ROR1: variants seen among roughly 807,000 people sequenced by gnomAD.
ROR1 encodes inactive tyrosine-protein kinase transmembrane receptor ROR1.
A neutral mutation model predicts 78.8 loss-of-function variants in ROR1; 19 were observed. The observed-to-expected ratio is 0.24, with a 90% CI of 0.17 to 0.35. ROR1 has a LOEUF of 0.35. Among genes scored for constraint, ROR1 ranks in the 10% least tolerant of loss-of-function variants. The probability of loss-of-function intolerance (pLI) is 1.00; values close to 1 mark genes in which losing one functional copy is unlikely to be tolerated. For missense variants in ROR1, 917 were observed against 1,177.8 expected (o/e 0.78, Z 3.24); for synonymous variants, 386 against 433.6 (o/e 0.89, Z 1.36).
chr1:63,939,927 T>C (rs1645822966), intron 1 of ROR1, among the ~76,000 whole-genome samples: 1 of 152,184 alleles, frequency 6.6e-6, no homozygotes, highest in South Asian at 2.1e-4. Context: ...GATAATTCAT[T>C]CAACGGGTTT....
chr1:63,895,576 A>T (rs1046431544), intron 1 of ROR1, among the ~76,000 whole-genome samples: 10 of 151,332 alleles, frequency 6.6e-5, no homozygotes, highest in African/African-American at 2.5e-4. Context: ...ATATTCACAC[A>T]TCTCGATTAG....
At chr1:63,779,594 T>C (rs988198802) in intron 1 of ROR1, among the ~76,000 whole-genome samples, 3 of 152,160 alleles carry the variant, frequency 2.0e-5, no homozygotes, top group Admixed American at 6.5e-5. Flanking sequence ...GAGACTGACT[T>C]GCATGCCAGG....
At chr1:63,890,854 C>T (rs1182454171) in intron 1 of ROR1, among the ~76,000 whole-genome samples, 1 of 152,126 alleles carries the variant, frequency 6.6e-6, no homozygotes, top group Non-Finnish European at 1.5e-5. Context: ...GTTCCAAATC[C>T]AAATGTTGTC....
At chr1:63,948,686 C>T (rs889032760) in intron 1 of ROR1, among the ~76,000 whole-genome samples, 1 of 152,138 alleles carries the variant, frequency 6.6e-6, no homozygotes, top group African/African-American at 2.4e-5. Flanking sequence ...GGAGATGGGG[C>T]CTTTGGAAGG....
In ROR1 at chr1:63,893,624, T is replaced by G. The variant is rs553902661; in HGVS notation, c.92-115681T>G. Among the ~76,000 whole-genome samples, 274 of 152,286 alleles carry G rather than the reference T, an allele frequency of 1.8e-3. 3 individuals are homozygous for G. The highest frequency in any genetic ancestry group is 0.014 in the Middle Eastern group (4 of 294). On this transcript the variant is annotated intron_variant, in intron 1 of 8. Transcript: ENST00000371079. ...GCGTGGACATATGGACTCTTATTTT[T>G]TTTCTGGTTGCCTTTGCTACATTTA...
intron 1 of ROR1, among the ~76,000 whole-genome samples, chr1:64,005,401 G>T (rs1053642829): frequency 3.9e-5 from 6 of 152,170 alleles, no homozygotes; most frequent in African/African-American, 1.4e-4. Flanking sequence ...TTAAAATCTG[G>T]TGTGTATTTC....
At chr1:63,869,234 G>A (rs529121140) in intron 1 of ROR1, among the ~76,000 whole-genome samples, 6 of 152,278 alleles carry the variant, frequency 3.9e-5, no homozygotes, top group South Asian at 4.1e-4. Context: ...GCAAGCCCTC[G>A]ACAATGATTA....
At chr1:63,795,829 A>C (rs1341343613) in intron 1 of ROR1, among the ~76,000 whole-genome samples, 3 of 152,186 alleles carry the variant, frequency 2.0e-5, no homozygotes, top group Non-Finnish European at 4.4e-5. Flanking sequence ...CTTTCTCCCC[A>C]TAAATTAAAT....
intron 1 of ROR1, among the ~76,000 whole-genome samples, chr1:63,827,063 A>G (rs1438255331): frequency 6.8e-6 from 1 of 146,016 alleles, no homozygotes; most frequent in Non-Finnish European, 1.5e-5. Flanking sequence ...CCTTTTTTTC[A>G]TAATGGTTGC....
intron 2 of ROR1, among the ~76,000 whole-genome samples, chr1:64,047,952 A>G (rs565238636): frequency 9.8e-5 from 15 of 152,294 alleles, no homozygotes; most frequent in Non-Finnish European, 1.8e-4. Flanking sequence ...TCTGTTTCCT[A>G]CTGCACATGT....
intron 1 of ROR1, among the ~76,000 whole-genome samples, chr1:63,978,929 G>C (rs537914198): frequency 6.6e-6 from 1 of 152,200 alleles, no homozygotes; most frequent in Admixed American, 6.5e-5. Context: ...AAGTCCAAAG[G>C]CTGTCAGGCC....
At chr1:63,917,793 C>T (rs1645620544) in intron 1 of ROR1, among the ~76,000 whole-genome samples, 1 of 152,096 alleles carries the variant, frequency 6.6e-6, no homozygotes, top group South Asian at 2.1e-4. Context: ...TAAGGAGTTG[C>T]CACCTGCCCC....
rs932155664 is a variant in ROR1, at chr1:64,178,131, G to T, written c.2090G>T (p.Ser697Ile). 2 of 1,614,166 alleles carry T rather than the reference G, an allele frequency of 1.2e-6. No individual in the cohort carries two copies. Among genetic ancestry groups the T allele is most frequent in the Non-Finnish European group, 1.7e-6 (2 of 1,180,022 alleles). The change falls in exon 9 of 9, where the codon AGT becomes ATT. Residue 697 changes from serine to isoleucine, a missense_variant. Transcript: ENST00000371079. This position sits in a 1 kb window ranked among gnomAD's most constrained non-coding sequence, Gnocchi z 4.3. ...GGACTCCAGCCATATTATGGATTCA[G>T]TAACCAGGAAGTGATTGAGATGGTG... ...SFGLQPYYGFSNQEVIEMVRK... is the reference protein window; with the variant it reads ...SFGLQPYYGFINQEVIEMVRK...
chr1:63,961,842 CTGAA>C (rs1646031935), intron 1 of ROR1, among the ~76,000 whole-genome samples: 1 of 152,110 alleles, frequency 6.6e-6, no homozygotes. Flanking sequence ...AAGAGAGAAA[CTGAA>C]TGTTCCAAAC....
chr1:63,977,785 A>G (rs1227614873), intron 1 of ROR1, among the ~76,000 whole-genome samples: 1 of 152,234 alleles, frequency 6.6e-6, no homozygotes, highest in Non-Finnish European at 1.5e-5. Context: ...CCAGAGAGAC[A>G]CAATTTGACT....
chr1:64,053,868 G>C (rs943851125), intron 4 of ROR1, among the ~76,000 whole-genome samples: 6 of 152,124 alleles, frequency 3.9e-5, no homozygotes, highest in Admixed American at 3.9e-4. Context: ...GACTACCTAA[G>C]TTGTTTTATG....
intron 7 of ROR1, among the ~76,000 whole-genome samples, chr1:64,152,796 A>G (rs1340972513): frequency 3.3e-4 from 51 of 152,240 alleles, no homozygotes; most frequent in Non-Finnish European, 1.5e-5. Context: ...TGATAAACAT[A>G]TCATCAATGA....
At chr1:64,003,187 CCTTT>C (rs1646399853) in intron 1 of ROR1, among the ~76,000 whole-genome samples, 1 of 152,088 alleles carries the variant, frequency 6.6e-6, no homozygotes, top group Non-Finnish European at 1.5e-5. Flanking sequence ...CCTTTTCCTT[CCTTT>C]TTTTTCTTTT....
chr1:64,014,391 TACTA>T (rs1166540948), intron 2 of ROR1, among the ~76,000 whole-genome samples: 1 of 151,982 alleles, frequency 6.6e-6, no homozygotes, highest in Non-Finnish European at 1.5e-5. Context: ...CGCTGAAAGC[TACTA>T]TTGATGGGTC....
Sources: allele counts gnomAD v4.1 joint callset (sites outside exome capture counted in the v4.1 genomes callset), GRCh38; gene constraint gnomAD v4.1.1; non-coding constraint Gnocchi (gnomAD v3.1); transcripts MANE v1.5; gene names NCBI Gene and HGNC (gene_info 2026-07-23, HGNC 2026-07-21).